The following TAFA2 variants were observed in gnomAD, a reference collection of about 807,000 sequenced individuals.
TAFA2 encodes the protein TAFA chemokine like family member 2.
Under a neutral mutation model 18.8 loss-of-function variants are expected in TAFA2, and 7 were observed. That is an observed-to-expected ratio of 0.37 (90% confidence interval 0.21 to 0.70). The LOEUF is 0.70. Ranked by LOEUF, TAFA2 falls within the 30% of genes least tolerant of loss-of-function variation. TAFA2 has a pLI of 0.53. For synonymous variants in TAFA2, 60 were observed against 54.2 expected (o/e 1.11, Z -0.47); for missense variants, 122 against 158.1 (o/e 0.77, Z 1.23).
chr12:61,901,259 C>CTT lies in TAFA2; in HGVS notation c.-1-33835_-1-33834dup, dbSNP rs1203233805. 7.3e-4 allele frequency among the ~76,000 whole-genome samples: 8 copies of CTT among 10,898 alleles called. 2 individuals are homozygous for CTT. Among genetic ancestry groups the CTT allele is most frequent in the Admixed American group, 2.5e-3 (3 of 1,188 alleles). The allele number at this position is 10,898 out of a possible 152,430, so 7.1% of individuals were successfully genotyped here. A position where few individuals can be genotyped will look rare whatever the true frequency, so the allele number is the denominator to read the frequency against. The stretch of plus-strand genomic sequence containing the variant: ...TCCAAGTTTTAACTCTTCAATTTCA[C>CTT]TTTTTTTTTTTTTTTTTTTTTTTTT... On this transcript the variant is annotated intron_variant, in intron 1 of 4. Coordinates refer to ENST00000416284, the MANE Select transcript of TAFA2 (RefSeq NM_178539.5).
intron 4 of TAFA2, among the ~76,000 whole-genome samples, chr12:61,711,983 A>G (rs1275829532): frequency 6.6e-6 from 1 of 152,082 alleles, no homozygotes; most frequent in Non-Finnish European, 1.5e-5. Flanking sequence ...TCCCAAATTG[A>G]GTATGAATGT....
intron 1 of TAFA2, among the ~76,000 whole-genome samples, chr12:62,243,574 A>G (rs138983475): frequency 3.3e-4 from 50 of 152,302 alleles, no homozygotes; most frequent in Admixed American, 1.4e-3. Context: ...AAAACTAACT[A>G]TATGCCAGAA....
intron 1 of TAFA2, among the ~76,000 whole-genome samples, chr12:62,051,685 G>C (rs1235767127): frequency 6.6e-6 from 1 of 151,688 alleles, no homozygotes; most frequent in Non-Finnish European, 1.5e-5. Flanking sequence ...CAGGAACTAT[G>C]CATACCTGTC....
At chr12:62,120,382 T>A (rs1565751130) in intron 1 of TAFA2, among the ~76,000 whole-genome samples, 1 of 152,244 alleles carries the variant, frequency 6.6e-6, no homozygotes, top group Non-Finnish European at 1.5e-5. Flanking sequence ...CATTTAGTAA[T>A]TTCATTATGT....
intron 1 of TAFA2, among the ~76,000 whole-genome samples, chr12:62,107,940 T>C (rs1869533785): frequency 6.6e-6 from 1 of 152,206 alleles, no homozygotes; most frequent in Non-Finnish European, 1.5e-5. Flanking sequence ...GTTTCATTTC[T>C]TACCTTTTCA....
At chr12:62,056,587 C>A (rs988727488) in intron 1 of TAFA2, among the ~76,000 whole-genome samples, 30 of 152,220 alleles carry the variant, frequency 2.0e-4, no homozygotes, top group African/African-American at 7.2e-4. Context: ...CATGCCCACT[C>A]TTCTGGTGTC....
intron 1 of TAFA2, among the ~76,000 whole-genome samples, chr12:61,960,279 C>G (rs1237830784): frequency 6.6e-6 from 1 of 151,736 alleles, no homozygotes. Flanking sequence ...GTTCAGTGGT[C>G]CTTCTGTGCT....
chr12:61,966,189 A>G (rs1879059542), intron 1 of TAFA2, among the ~76,000 whole-genome samples: 1 of 151,944 alleles, frequency 6.6e-6, no homozygotes, highest in Non-Finnish European at 1.5e-5. Flanking sequence ...TGCTATAAAA[A>G]AATGTAGCTG....
chr12:61,926,810 C>T (rs933315472), intron 1 of TAFA2, among the ~76,000 whole-genome samples: 11 of 152,104 alleles, frequency 7.2e-5, no homozygotes, highest in East Asian at 1.9e-4. Flanking sequence ...CAGTGGTTCA[C>T]GCCTGTAATC....
chr12:62,125,356 A>G (rs181818308), intron 1 of TAFA2, among the ~76,000 whole-genome samples: 1 of 152,266 alleles, frequency 6.6e-6, no homozygotes, highest in East Asian at 1.9e-4. Flanking sequence ...GTGACTACAC[A>G]GATCACATGC....
intron 2 of TAFA2, among the ~76,000 whole-genome samples, chr12:61,820,280 A>G (rs972513761): frequency 2.1e-5 from 3 of 145,742 alleles, no homozygotes; most frequent in Non-Finnish European, 4.7e-5. Flanking sequence ...AAATAACAGG[A>G]AAACAATAAT....
At chr12:62,161,512 A>G (rs2062406787) in intron 1 of TAFA2, among the ~76,000 whole-genome samples, 1 of 152,176 alleles carries the variant, frequency 6.6e-6, no homozygotes, top group South Asian at 2.1e-4. Flanking sequence ...ACACATGGAC[A>G]TAGAGAGTGG....
chr12:62,141,875 T>C lies in TAFA2; in HGVS notation c.-2+49384A>G, dbSNP rs369378827. Among the ~76,000 whole-genome samples, 4 of 152,198 alleles carry C rather than the reference T, an allele frequency of 2.6e-5. No homozygotes were observed. The East Asian group carries it at 7.7e-4, about 29-fold the overall frequency. On this transcript the variant is annotated intron_variant, in intron 1 of 4. Coordinates refer to ENST00000416284, the MANE Select transcript of TAFA2 (RefSeq NM_178539.5). ...AGAAAAATTGACAGAGCCACACTCA[T>C]CACTGATCTTGATCATTTGGGAAAA... is the stretch of plus-strand genomic sequence containing the variant.
chr12:61,828,400 T>A (rs1872601149), intron 2 of TAFA2, among the ~76,000 whole-genome samples: 1 of 151,984 alleles, frequency 6.6e-6, no homozygotes, highest in Non-Finnish European at 1.5e-5. Flanking sequence ...TTCTTCAGAT[T>A]CCATTTCCTA....
chr12:61,730,863 G>A (rs192861454), intron 4 of TAFA2, among the ~76,000 whole-genome samples: 24 of 152,220 alleles, frequency 1.6e-4, no homozygotes, highest in African/African-American at 5.5e-4. Flanking sequence ...AGCAGGCAGG[G>A]ATTTCAGGCT....
intron 1 of TAFA2, among the ~76,000 whole-genome samples, chr12:62,183,116 C>A (rs1034250684): frequency 2.0e-5 from 3 of 152,102 alleles, no homozygotes; most frequent in African/African-American, 7.2e-5. Context: ...GTAGGTGGGA[C>A]CTTTGAGAAG....
intron 1 of TAFA2, among the ~76,000 whole-genome samples, chr12:62,121,969 AACAGAAAACCAACTACC>A (rs1395797473): frequency 6.6e-6 from 1 of 152,216 alleles, no homozygotes; most frequent in African/African-American, 2.4e-5. Context: ...TTAACACAGG[AACAGAAAACCAACTACC>A]ACACATTCTC....
chr12:61,940,366 G>A (rs1418214704), intron 1 of TAFA2, among the ~76,000 whole-genome samples: 2 of 152,216 alleles, frequency 1.3e-5, no homozygotes, highest in South Asian at 2.1e-4. Flanking sequence ...AAAGTGCAAA[G>A]GGATTAGGAA....
chr12:61,722,787 G>A (rs980454122), intron 4 of TAFA2, among the ~76,000 whole-genome samples: 5 of 151,576 alleles, frequency 3.3e-5, no homozygotes, highest in Middle Eastern at 3.4e-3. Context: ...CCTACTCTTG[G>A]TCCCACTACT....
Sources: allele counts gnomAD v4.1 joint callset (sites outside exome capture counted in the v4.1 genomes callset), GRCh38; gene constraint gnomAD v4.1.1; transcripts MANE v1.5; gene names NCBI Gene and HGNC (gene_info 2026-07-23, HGNC 2026-07-21).